The following COL24A1 variants were observed in gnomAD, a reference collection of about 807,000 sequenced individuals.
COL24A1 encodes collagen alpha-1(XXIV) chain.
COL24A1 carries 224 observed loss-of-function variants against 253.9 expected under a neutral mutation model. The observed-to-expected ratio is 0.88, with a 90% CI of 0.79 to 0.99. COL24A1 has a LOEUF of 0.99. COL24A1 is among the 50% of genes least tolerant of loss of function. The pLI is 0.00. For synonymous variants in COL24A1, 685 were observed against 673.7 expected (o/e 1.02, Z -0.26); for missense variants, 2,131 against 2,068.5 (o/e 1.03, Z -0.59).
intron 1 of COL24A1, among the ~76,000 whole-genome samples, chr1:86,153,355 C>A (rs1287932181): frequency 2.6e-5 from 4 of 152,142 alleles, no homozygotes; most frequent in African/African-American, 4.8e-5. Context: ...CATTGTATCT[C>A]TGCTGCCTAG....
At chr1:85,755,744 G>A (rs1666171632) in intron 55 of COL24A1, among the ~76,000 whole-genome samples, 1 of 152,056 alleles carries the variant, frequency 6.6e-6, no homozygotes, top group Non-Finnish European at 1.5e-5. Context: ...GTTATACCAT[G>A]AACTCAAAAT....
At chr1:85,798,727 T>C (rs532367764) in intron 47 of COL24A1, among the ~76,000 whole-genome samples, 5 of 152,158 alleles carry the variant, frequency 3.3e-5, no homozygotes, top group Admixed American at 2.0e-4. Flanking sequence ...TCAATGTTCC[T>C]TTAAGACAAG....
chr1:85,994,643 T>G (rs1433592570), intron 19 of COL24A1, among the ~76,000 whole-genome samples: 1 of 152,120 alleles, frequency 6.6e-6, no homozygotes. Context: ...AAGAAAAACA[T>G]TAAAATAGCC....
At chr1:85,933,701 C>T (rs1013718289) in intron 24 of COL24A1, among the ~76,000 whole-genome samples, 1 of 151,984 alleles carries the variant, frequency 6.6e-6, no homozygotes, top group Non-Finnish European at 1.5e-5. Context: ...GAATCAAGGG[C>T]AAAATTATAT....
chr1:85,858,623 CCTTCCT>C (rs1678743459), intron 37 of COL24A1, among the ~76,000 whole-genome samples: 10 of 82,184 alleles, frequency 1.2e-4, no homozygotes, highest in African/African-American at 6.6e-4. Flanking sequence ...TTTTCTCCCT[CCTTCCT>C]TCCTTCCTTC....
chr1:85,784,436 C>T, intron 48 of COL24A1, 70 bp from the exon 49 acceptor site: 1 of 1,130,386 alleles, frequency 8.8e-7, no homozygotes, highest in Middle Eastern at 2.2e-4. Flanking sequence ...TGAATGAAAC[C>T]CAAATACAGG....
intron 36 of COL24A1, 46 bp from the exon 37 acceptor site, chr1:85,868,672 A>C (rs868498338): frequency 6.5e-7 from 1 of 1,534,630 alleles, no homozygotes; most frequent in African/African-American, 1.4e-5. Flanking sequence ...ACAGTGAAAT[A>C]ATTATGCCAA....
chr1:85,765,839 T>C (rs961236928), intron 53 of COL24A1, among the ~76,000 whole-genome samples: 1 of 152,222 alleles, frequency 6.6e-6, no homozygotes. Flanking sequence ...AAATTTTTAC[T>C]AATTGTATCC....
At chr1:86,031,952 T>C (rs1251879853) in intron 13 of COL24A1, 30 bp from the exon 14 acceptor site, 2 of 1,573,680 alleles carry the variant, frequency 1.3e-6, no homozygotes, top group Non-Finnish European at 8.7e-7. Flanking sequence ...CAATACTTAT[T>C]AAATTTGATT....
At position 86,046,842 on chromosome 1, in the gene COL24A1, C is replaced by T. The variant is rs747702891; in HGVS notation, c.1933G>A (p.Gly645Ser). The T allele has an allele frequency of 6.2e-7, 1 of 1,608,892 alleles. No individual in the cohort carries two copies. Among genetic ancestry groups the T allele is most frequent in the East Asian group, 2.2e-5 (1 of 44,750 alleles). ...TAAGATACCTGTCTCCCCTTAAAAC[C>T]CTTCTTTCCACGGATCCCAGGAATG... ...RGIPGIRGKK[G>S]FKGRQGFPGD... Residue 645 changes from glycine (G) to serine (S), a missense_variant, in exon 12 of 60, where the codon GGT becomes AGT. Gly to Ser is a moderately conservative substitution (Grantham distance 56, BLOSUM62 0). Transcript: ENST00000370571.
At chr1:85,742,181 G>A (rs7554621) in intron 57 of COL24A1, among the ~76,000 whole-genome samples, 132,511 of 148,944 alleles carry the variant, frequency 0.89, 59,740 homozygotes, top group Non-Finnish European at 0.97. Context: ...TGGCCAGGCT[G>A]GAGTGTGGCG....
chr1:86,029,150 GA>G (rs5775883), intron 14 of COL24A1, among the ~76,000 whole-genome samples: 15 of 148,628 alleles, frequency 1.0e-4, no homozygotes, highest in South Asian at 2.1e-4. Flanking sequence ...AAGTTCTCAG[GA>G]AAAAAAAAAA....
chr1:85,871,400 G>T (rs1386068981), intron 35 of COL24A1, among the ~76,000 whole-genome samples: 1 of 152,078 alleles, frequency 6.6e-6, no homozygotes, highest in African/African-American at 2.4e-5. Flanking sequence ...CAAAAAAAGA[G>T]AATTTTAGAC....
At chr1:85,850,083 A>T (rs572557502) in intron 37 of COL24A1, among the ~76,000 whole-genome samples, 1 of 152,180 alleles carries the variant, frequency 6.6e-6, no homozygotes, top group Non-Finnish European at 1.5e-5. Context: ...TAATATTTTC[A>T]TTTCAATTTG....
intron 27 of COL24A1, among the ~76,000 whole-genome samples, chr1:85,907,710 T>A (rs1684974034): frequency 6.6e-6 from 1 of 151,840 alleles, no homozygotes; most frequent in Non-Finnish European, 1.5e-5. Context: ...ATGTTCCAAA[T>A]TACTATGCTA....
chr1:85,769,002 T>G (rs201882695), intron 53 of COL24A1, among the ~76,000 whole-genome samples: 1 of 2,668 alleles, frequency 3.7e-4, no homozygotes, highest in Admixed American at 6.4e-3. Context: ...CAGAATTCAA[T>G]AAATTCAAAC....
chr1:85,795,770 A>C (rs189443038), intron 47 of COL24A1, among the ~76,000 whole-genome samples: 1 of 152,268 alleles, frequency 6.6e-6, no homozygotes, highest in African/African-American at 2.4e-5. Flanking sequence ...CTGTAGTACA[A>C]ATATAATATC....
chr1:86,102,597 T>A (rs899752005), intron 5 of COL24A1, among the ~76,000 whole-genome samples: 4 of 152,164 alleles, frequency 2.6e-5, no homozygotes, highest in Non-Finnish European at 4.4e-5. Context: ...CTCATTAGTT[T>A]CAAAGAACTT....
intron 24 of COL24A1, among the ~76,000 whole-genome samples, chr1:85,936,557 G>A (rs1261246221): frequency 6.8e-6 from 1 of 146,612 alleles, no homozygotes; most frequent in Non-Finnish European, 1.5e-5. Context: ...CATAAAATTA[G>A]ATACGGAAAA....
Sources: gnomAD v4.1 joint callset for allele counts (sites outside exome capture counted in the v4.1 genomes callset) on GRCh38, gnomAD v4.1.1 for gene constraint, MANE v1.5 for transcripts, NCBI Gene and HGNC (gene_info 2026-07-23, HGNC 2026-07-21) for gene names.